Variants in NR6A1 observed in about 807,000 individuals in gnomAD.
NR6A1 encodes the protein nuclear receptor subfamily 6 group A member 1.
Under a neutral mutation model 59.1 loss-of-function variants are expected in NR6A1, and 7 were observed. The ratio of observed to expected loss-of-function variants is 0.12; its 90% CI spans 0.07 to 0.22. NR6A1 has a LOEUF of 0.22. NR6A1 is among the 10% of genes least tolerant of loss of function. NR6A1 has a pLI of 1.00. For synonymous variants in NR6A1, 243 were observed against 236.1 expected (o/e 1.03, Z -0.27); for missense variants, 468 against 611.6 (o/e 0.77, Z 2.48).
intron 2 of NR6A1, among the ~76,000 whole-genome samples, chr9:124,588,036 C>T (rs570250988): frequency 6.6e-6 from 1 of 152,144 alleles, no homozygotes; most frequent in African/African-American, 2.4e-5. Context: ...CTCCTCAGCT[C>T]CTCACAAGAC....
intron 8 of NR6A1, 24 bp from the exon 9 acceptor site, chr9:124,524,897 A>G (rs1314560563): frequency 6.3e-7 from 1 of 1,590,438 alleles, no homozygotes; most frequent in Non-Finnish European, 8.5e-7. Flanking sequence ...AAAAACACAC[A>G]CACACATACA....
At chr9:124,569,573 A>G (rs1047352239) in intron 2 of NR6A1, among the ~76,000 whole-genome samples, 22 of 152,190 alleles carry the variant, frequency 1.4e-4, no homozygotes, top group African/African-American at 5.3e-4. Flanking sequence ...TATTTAAAAC[A>G]AAAGGGATCT....
intron 3 of NR6A1, 22 bp downstream of exon 3, chr9:124,554,306 C>G (rs769007888): frequency 6.2e-7 from 1 of 1,613,852 alleles, no homozygotes; most frequent in Non-Finnish European, 8.5e-7. Context: ...GATGGGCCAT[C>G]AGAGCCATCA....
At chr9:124,644,029 T>C (rs935180015) in intron 2 of NR6A1, among the ~76,000 whole-genome samples, 2 of 152,102 alleles carry the variant, frequency 1.3e-5, no homozygotes, top group African/African-American at 4.8e-5. Flanking sequence ...ACCTCCCAAG[T>C]AGCTGGGATT....
intron 2 of NR6A1, among the ~76,000 whole-genome samples, chr9:124,686,799 G>A (rs1588784853): frequency 6.6e-6 from 1 of 151,684 alleles, no homozygotes; most frequent in Non-Finnish European, 1.5e-5. Context: ...AACCTCCTGG[G>A]TTCAACTGAT....
chr9:124,534,045 T>C lies in NR6A1; in HGVS notation c.1079+1833A>G, dbSNP rs186789632. Among the ~76,000 whole-genome samples, 65 of 151,984 alleles carry C rather than the reference T, an allele frequency of 4.3e-4. 1 individual carries two copies. Among genetic ancestry groups the C allele is most frequent in the Admixed American group, 7.9e-4 (12 of 15,262 alleles). On this transcript the variant is annotated intron_variant, in intron 7 of 9. Transcript: ENST00000487099. ...TAAAGGTCATTTATTGAAATGTCTATTTAAATACAAACTAAGCATTATAAG... is the reference window on the plus strand; with the variant it reads ...TAAAGGTCATTTATTGAAATGTCTACTTAAATACAAACTAAGCATTATAAG...
At chr9:124,584,090 A>C (rs1588686268) in intron 2 of NR6A1, among the ~76,000 whole-genome samples, 1 of 146,222 alleles carries the variant, frequency 6.8e-6, no homozygotes, top group Non-Finnish European at 1.5e-5. Context: ...ATTTTATTGC[A>C]CTTGGCTTTT....
At chr9:124,615,313 T>C (rs1018753471) in intron 2 of NR6A1, among the ~76,000 whole-genome samples, 1 of 152,088 alleles carries the variant, frequency 6.6e-6, no homozygotes, top group African/African-American at 2.4e-5. Context: ...CTCAGCAAAA[T>C]GATAATAGGC....
chr9:124,644,390 T>G (rs1289918165), intron 2 of NR6A1, among the ~76,000 whole-genome samples: 1 of 149,136 alleles, frequency 6.7e-6, no homozygotes, highest in Non-Finnish European at 1.5e-5. Flanking sequence ...TAGCTGGGAT[T>G]ACAGGCATGC....
chr9:124,670,758 G>A (rs1442544246), intron 2 of NR6A1, among the ~76,000 whole-genome samples: 1 of 152,200 alleles, frequency 6.6e-6, no homozygotes, highest in Non-Finnish European at 1.5e-5. Context: ...CCCATGTCAG[G>A]TTAAAGCATT....
At chr9:124,710,480 T>A (rs1479482248) in intron 2 of NR6A1, among the ~76,000 whole-genome samples, 1 of 152,196 alleles carries the variant, frequency 6.6e-6, no homozygotes, top group East Asian at 1.9e-4. Flanking sequence ...ACATTTAGCA[T>A]CAAAGGTTCA....
chr9:124,598,363 AAAG>A lies in NR6A1; in HGVS notation c.143-43796_143-43794del, dbSNP rs559058740. On this transcript the variant is annotated intron_variant, in intron 2 of 9. Transcript: ENST00000487099. ...CCTCGTCCCTACTTAAAAAAAAAAA[AAAG>A]AAGAAGAAGAAAAATCATTTAAGAT... 1.2e-3 allele frequency among the ~76,000 whole-genome samples: 178 copies of A among 151,982 alleles called. No homozygotes were observed. The Middle Eastern group carries it at 0.017, about 15-fold the overall frequency.
In NR6A1 at chr9:124,675,854, C is replaced by T. The variant is rs571328369; in HGVS notation, c.142+57454G>A. 5.9e-4 allele frequency among the ~76,000 whole-genome samples: 90 copies of T among 152,276 alleles called. 1 individual carries two copies. In the South Asian group the frequency reaches 0.018, roughly 31 times the overall value. On this transcript the variant is annotated intron_variant, in intron 2 of 9. Coordinates refer to ENST00000487099, the MANE Select transcript of NR6A1 (RefSeq NM_033334.4). ...TCAATCCAGAACATCTGGATTTGCT[C>T]CTCTGGCTTCAAGCGTTCTCCAAGA...
intron 2 of NR6A1, among the ~76,000 whole-genome samples, chr9:124,712,375 G>A (rs969614309): frequency 3.9e-5 from 6 of 152,102 alleles, no homozygotes; most frequent in South Asian, 2.1e-4. Flanking sequence ...TTGGGAGGCC[G>A]AGGCAAGGGG....
chr9:124,701,622 A>G (rs946457896), intron 2 of NR6A1, among the ~76,000 whole-genome samples: 19 of 152,226 alleles, frequency 1.2e-4, no homozygotes, highest in African/African-American at 4.1e-4. Flanking sequence ...GGAATCTCAC[A>G]TAAGTGGAAT....
At chr9:124,591,513 G>A (rs923539786) in intron 2 of NR6A1, among the ~76,000 whole-genome samples, 8 of 152,126 alleles carry the variant, frequency 5.3e-5, no homozygotes, top group African/African-American at 1.4e-4. Flanking sequence ...ACAGACCAAG[G>A]GATCCATCCA....
intron 2 of NR6A1, among the ~76,000 whole-genome samples, chr9:124,696,829 T>G (rs1381018915): frequency 6.6e-6 from 1 of 152,194 alleles, no homozygotes; most frequent in Non-Finnish European, 1.5e-5. Flanking sequence ...GATAATTTTT[T>G]GTATTTTTAG....
At chr9:124,588,283 TA>T (rs1197831427) in intron 2 of NR6A1, among the ~76,000 whole-genome samples, 1 of 152,008 alleles carries the variant, frequency 6.6e-6, no homozygotes. Flanking sequence ...GAGAGAAAAT[TA>T]ATTTCTACAT....
chr9:124,766,046 T>C (rs533712185), intron 1 of NR6A1, among the ~76,000 whole-genome samples: 25 of 152,328 alleles, frequency 1.6e-4, no homozygotes, highest in African/African-American at 5.8e-4. Flanking sequence ...GGCTGGATTC[T>C]AGAAATACTG....
Sources: gnomAD v4.1 joint callset for allele counts (sites outside exome capture counted in the v4.1 genomes callset) on GRCh38, gnomAD v4.1.1 for gene constraint, MANE v1.5 for transcripts, NCBI Gene and HGNC (gene_info 2026-07-23, HGNC 2026-07-21) for gene names.